The following KMT2C variants were observed in gnomAD, a reference collection of about 807,000 sequenced individuals.
KMT2C encodes the protein histone-lysine N-methyltransferase 2C.
Under a neutral mutation model 507.9 loss-of-function variants are expected in KMT2C, and 88 were observed. That is an observed-to-expected ratio of 0.17 (90% CI 0.15 to 0.21). The LOEUF (loss-of-function observed/expected upper bound fraction) is 0.21. Among genes scored for constraint, KMT2C ranks in the 10% least tolerant of loss-of-function variants. The probability of loss-of-function intolerance (pLI) is 1.00; values close to 1 mark genes in which losing one functional copy is unlikely to be tolerated. For missense variants in KMT2C, 4,954 were observed against 5,957.8 expected (o/e 0.83, Z 5.55); for synonymous variants, 2,049 against 2,080.8 (o/e 0.98, Z 0.42).
chr7:152,294,630 C>T (rs2096471401), intron 6 of KMT2C, among the ~76,000 whole-genome samples: 1 of 151,560 alleles, frequency 6.6e-6, no homozygotes, highest in African/African-American at 2.4e-5. Context: ...AGATCCCTCT[C>T]TGCCGGACCC....
intron 8 of KMT2C, 23 bp from the exon 9 acceptor site, chr7:152,263,153 T>C: frequency 6.3e-7 from 1 of 1,577,192 alleles, no homozygotes; most frequent in Non-Finnish European, 8.7e-7. Flanking sequence ...ATAGCATTAA[T>C]GATGCCTTAT....
chr7:152,146,710 A>G lies in KMT2C; in HGVS notation c.13920T>C (p.Pro4640=), dbSNP rs550897840. The G allele has an allele frequency of 1.9e-6, 3 of 1,613,994 alleles. No individual in the cohort carries two copies. The highest frequency in any genetic ancestry group is 2.5e-6 in the Non-Finnish European group (3 of 1,179,904). The part of the protein sequence containing the change: ...PKGVWDKILE[P]VACVRKKSEM... Reference sequence around the variant, plus strand: ...CAGACTTTTTTCTCACACATGCCACAGGCTCCAAAATCTTATCCCAGACAC... The same window carrying G: ...CAGACTTTTTTCTCACACATGCCACGGGCTCCAAAATCTTATCCCAGACAC... The change falls in exon 53 of 59, where the codon CCT becomes CCC. Residue 4640 remains proline, a synonymous_variant. Coordinates refer to ENST00000262189, the MANE Select transcript of KMT2C (RefSeq NM_170606.3).
At chr7:152,331,679 G>A (rs537328895) in intron 2 of KMT2C, among the ~76,000 whole-genome samples, 9 of 120,024 alleles carry the variant, frequency 7.5e-5, no homozygotes, top group Non-Finnish European at 1.5e-4. Context: ...ATGGAGTCTC[G>A]CTCTGTCCAC....
intron 9 of KMT2C, among the ~76,000 whole-genome samples, chr7:152,257,930 TTG>T (rs1319915032): frequency 2.6e-5 from 4 of 152,104 alleles, no homozygotes; most frequent in African/African-American, 9.7e-5. Flanking sequence ...TGAATTTCTG[TTG>T]GGCCACATTC....
intron 12 of KMT2C, 136 bp downstream of exon 12, chr7:152,250,717 C>T (rs1051777106): frequency 8.9e-6 from 5 of 561,822 alleles, no homozygotes; most frequent in Non-Finnish European, 1.3e-5. Flanking sequence ...ATTAATTTGT[C>T]TAAGATTATT....
At chr7:152,207,084 T>C (rs1250501501) in intron 24 of KMT2C, among the ~76,000 whole-genome samples, 1 of 152,168 alleles carries the variant, frequency 6.6e-6, no homozygotes, top group East Asian at 1.9e-4. Context: ...CATTCAATAA[T>C]GATTCATTGT....
chr7:152,286,737 G>T (rs2096304358), intron 6 of KMT2C, among the ~76,000 whole-genome samples: 1 of 151,150 alleles, frequency 6.6e-6, no homozygotes, highest in African/African-American at 2.4e-5. Flanking sequence ...GACCAATTAG[G>T]GCTTCAGGAG....
Position 152,181,525 on chromosome 7 carries a change from G to C in KMT2C, c.6335C>G (p.Pro2112Arg). Reference sequence around the variant, plus strand: ...TCCAGGCTGGGAAAAAGCCCTTGAAGGATGGGCAAAAGATTCATTCACTGC... The same window carrying C: ...TCCAGGCTGGGAAAAAGCCCTTGAACGATGGGCAAAAGATTCATTCACTGC... ...HPAVNESFAHPSRAFSQPGTI... is the reference protein window; with the variant it reads ...HPAVNESFAHRSRAFSQPGTI... Residue 2112 changes from proline to arginine, a missense_variant, in exon 36 of 59, where the codon CCT (proline) becomes CGT (arginine). By Grantham distance (103) the Pro-to-Arg change is moderately radical. Transcript: ENST00000262189. 6.2e-7 allele frequency: 1 copy of C among 1,614,076 alleles called. No homozygotes were observed. The highest frequency in any genetic ancestry group is 1.1e-5 in the South Asian group (1 of 91,072).
Position 152,151,001 on chromosome 7 carries a change from G to T in KMT2C, c.12673C>A (p.Arg4225=), listed in dbSNP as rs2091571189. 2 of 1,599,006 alleles carry T rather than the reference G, an allele frequency of 1.3e-6. No homozygotes were observed. Among genetic ancestry groups the T allele is most frequent in the Non-Finnish European group, 1.7e-6 (2 of 1,169,444 alleles). The change falls in exon 51 of 59, where the codon CGA becomes AGA. Residue 4225 remains arginine, a synonymous_variant. Coordinates refer to ENST00000262189, the MANE Select transcript of KMT2C (RefSeq NM_170606.3). The part of the protein sequence containing the change: ...KDLTLLNKDS[R]ESTKRVEKDI... ...TTCTCTACCCTCTTGGTGCTTTCTC[G>T]GGAATCCTGAAAAGCAAAGAGAAAT...
At chr7:152,165,173 C>A (rs1215622475) in intron 42 of KMT2C, among the ~76,000 whole-genome samples, 1 of 152,184 alleles carries the variant, frequency 6.6e-6, no homozygotes, top group Middle Eastern at 3.2e-3. Context: ...ACAGAAAGCA[C>A]CTACAACACT....
intron 4 of KMT2C, among the ~76,000 whole-genome samples, chr7:152,314,856 T>C (rs1263001431): frequency 6.6e-6 from 1 of 152,214 alleles, no homozygotes; most frequent in Non-Finnish European, 1.5e-5. Context: ...TCAGCTTGTG[T>C]TATGTTCTTT....
At chr7:152,295,248 C>G (rs917260517) in intron 6 of KMT2C, among the ~76,000 whole-genome samples, 2 of 152,182 alleles carry the variant, frequency 1.3e-5, no homozygotes, top group African/African-American at 2.4e-5. Context: ...TTTTCCAATT[C>G]AATTACAAAG....
At chr7:152,264,697 G>A (rs1397656754) in intron 8 of KMT2C, among the ~76,000 whole-genome samples, 1 of 151,884 alleles carries the variant, frequency 6.6e-6, no homozygotes, top group Non-Finnish European at 1.5e-5. Flanking sequence ...TCTTCTGTTT[G>A]TTTTAAATTG....
intron 42 of KMT2C, among the ~76,000 whole-genome samples, chr7:152,166,776 A>T (rs2092747947): frequency 6.6e-6 from 1 of 152,202 alleles, no homozygotes; most frequent in South Asian, 2.1e-4. Context: ...GTCCTCAGTT[A>T]AGTCGAATAC....
chr7:152,194,133 G>A lies in KMT2C; in HGVS notation c.4541-5C>T, dbSNP rs2093893027. 4 of 1,570,536 alleles carry A rather than the reference G, an allele frequency of 2.5e-6. No individual in the cohort carries two copies. The highest frequency in any genetic ancestry group is 3.4e-6 in the Non-Finnish European group (4 of 1,165,936). The stretch of plus-strand genomic sequence containing the variant: ...CAACATCTTTTCCGCCAAGCTCTAG[G>A]AGATAAAACAATAATAGTAACAAGA... On this transcript the variant is annotated splice_region_variant and splice_polypyrimidine_tract_variant and intron_variant, in intron 30 of 58. Transcript: ENST00000262189.
At chr7:152,331,709 C>T (rs1472818913) in intron 2 of KMT2C, among the ~76,000 whole-genome samples, 2 of 138,370 alleles carry the variant, frequency 1.4e-5, no homozygotes, top group East Asian at 2.1e-4. Flanking sequence ...AATGCAATGG[C>T]GCGATCTCGA....
At chr7:152,408,715 G>A (rs79636610) in intron 1 of KMT2C, among the ~76,000 whole-genome samples, 3 of 148,954 alleles carry the variant, frequency 2.0e-5, no homozygotes, top group African/African-American at 7.4e-5. Context: ...CATCCACTCC[G>A]TGCTCCCCCT....
intron 31 of KMT2C, among the ~76,000 whole-genome samples, chr7:152,189,385 T>C (rs1170382764): frequency 6.6e-6 from 1 of 152,160 alleles, no homozygotes; most frequent in Non-Finnish European, 1.5e-5. Flanking sequence ...AGCCATACTA[T>C]TACAGGAGAT....
At chr7:152,435,114 GACAA>G (rs2097904495) in intron 1 of KMT2C, among the ~76,000 whole-genome samples, 1 of 152,120 alleles carries the variant, frequency 6.6e-6, no homozygotes, top group Admixed American at 6.5e-5. Context: ...GCAAGTCGCT[GACAA>G]ACAAAAGCTG....
Sources: gnomAD v4.1 joint callset for allele counts (sites outside exome capture counted in the v4.1 genomes callset) on GRCh38, gnomAD v4.1.1 for gene constraint, MANE v1.5 for transcripts, NCBI Gene and HGNC (gene_info 2026-07-23, HGNC 2026-07-21) for gene names.